Variants in RELL1 observed in about 807,000 individuals in gnomAD.
The protein encoded by RELL1 is RELT-like protein 1.
Under a neutral mutation model 23.0 loss-of-function variants are expected in RELL1, and 10 were observed. The ratio of observed to expected loss-of-function variants is 0.43; its 90% CI spans 0.27 to 0.74. The LOEUF (loss-of-function observed/expected upper bound fraction) is 0.74. Among genes scored for constraint, RELL1 ranks in the 30% least tolerant of loss-of-function variants. RELL1 has a pLI of 0.19. For missense variants in RELL1, 315 were observed against 364.4 expected (o/e 0.86, Z 1.10); for synonymous variants, 146 against 146.8 (o/e 0.99, Z 0.04).
At chr4:37,618,901 C>T (rs902162109) in intron 6 of RELL1, among the ~76,000 whole-genome samples, 3 of 138,104 alleles carry the variant, frequency 2.2e-5, no homozygotes, top group Admixed American at 7.3e-5. Flanking sequence ...TCTTTTGAGA[C>T]GGAGTTTCGC....
chr4:37,619,270 C>T (rs1719687115), intron 6 of RELL1, among the ~76,000 whole-genome samples: 1 of 151,758 alleles, frequency 6.6e-6, no homozygotes. Flanking sequence ...GCAACCTCCG[C>T]CTCCCAAGTT....
Position 37,681,205 on chromosome 4 carries a change from T to C in RELL1, c.88+4995A>G, listed in dbSNP as rs377725268. Among the ~76,000 whole-genome samples the C allele has an allele frequency of 4.6e-5, 7 of 152,170 alleles. No homozygotes were observed. The East Asian group carries it at 9.6e-4, about 21-fold the overall frequency. Reference sequence around the variant, plus strand: ...TGGGCTTTTTAAAAATCCCTATCATTGCAAAGCTATCACCACCTCCAGAAT... The same window carrying C: ...TGGGCTTTTTAAAAATCCCTATCATCGCAAAGCTATCACCACCTCCAGAAT... On this transcript the variant is annotated intron_variant, in intron 1 of 6. Coordinates refer to ENST00000454158, the MANE Select transcript of RELL1 (RefSeq NM_001085400.2).
chr4:37,657,619 A>C lies in RELL1; in HGVS notation c.89-8119T>G, dbSNP rs185231199. On this transcript the variant is annotated intron_variant, in intron 1 of 6. Coordinates refer to ENST00000454158, the MANE Select transcript of RELL1 (RefSeq NM_001085400.2). ...TAGTGGGTGGAAGAAAGTTGCGGGAACAGGTGCTTCTGTTGCCTTTTAACA... is the reference window on the plus strand; with the variant it reads ...TAGTGGGTGGAAGAAAGTTGCGGGACCAGGTGCTTCTGTTGCCTTTTAACA... Among the ~76,000 whole-genome samples, 4 of 152,266 alleles carry C rather than the reference A, an allele frequency of 2.6e-5. No homozygotes were observed. In the East Asian group the frequency reaches 7.7e-4, roughly 29 times the overall value.
chr4:37,652,385 G>T (rs776558744), intron 1 of RELL1, among the ~76,000 whole-genome samples: 1 of 152,118 alleles, frequency 6.6e-6, no homozygotes, highest in African/African-American at 2.4e-5. Flanking sequence ...GCAATATACC[G>T]TCTAAGTTAG....
intron 5 of RELL1, among the ~76,000 whole-genome samples, chr4:37,633,847 G>A (rs114893437): frequency 2.0e-5 from 3 of 152,168 alleles, no homozygotes; most frequent in South Asian, 2.1e-4. Flanking sequence ...ATGGAGCAAC[G>A]TAACAGTTTG....
At chr4:37,586,720 G>A (rs1353617278), downstream of RELL1, among the ~76,000 whole-genome samples, 1 of 152,184 alleles carries the variant, frequency 6.6e-6, no homozygotes, top group Non-Finnish European at 1.5e-5. Flanking sequence ...GACCAGCCTG[G>A]CCAGCATGGT....
In RELL1 at chr4:37,601,119, T is replaced by G. The variant is rs932433071; in HGVS notation, c.*4-9902A>C. On this transcript the variant is annotated intron_variant, in intron 6 of 6. Coordinates refer to the RELL1 transcript ENST00000314117. The stretch of plus-strand genomic sequence containing the variant: ...AAGGCAAGAAAGTCATTCTTTCCAA[T>G]AAGGCAGTTGACCTGCCATCAGGAG... 2.0e-5 allele frequency among the ~76,000 whole-genome samples: 3 copies of G among 152,300 alleles called. No homozygotes were observed. The East Asian group carries it at 5.8e-4, about 29-fold the overall frequency.
At chr4:37,639,431 A>G (rs576892602) in intron 3 of RELL1, among the ~76,000 whole-genome samples, 1 of 151,778 alleles carries the variant, frequency 6.6e-6, no homozygotes, top group South Asian at 2.1e-4. Context: ...ATCACAACAT[A>G]TAAGTTATGT....
rs1010831024 is a variant in RELL1 at position 37,620,376 on chromosome 4, G to A, written c.*4-7034C>T. Reference sequence around the variant, plus strand: ...TATTTAGCAACAATGGGTTTCCCAAGTGACAGCAACTGAACACTTGTGATT... The same window carrying A: ...TATTTAGCAACAATGGGTTTCCCAAATGACAGCAACTGAACACTTGTGATT... On this transcript the variant is annotated intron_variant, in intron 6 of 6. Transcript: ENST00000454158. Among the ~76,000 whole-genome samples, 8 of 152,322 alleles carry A rather than the reference G, an allele frequency of 5.3e-5. No homozygotes were observed. In the East Asian group the frequency reaches 1.2e-3, roughly 22 times the overall value.
intron 6 of RELL1, among the ~76,000 whole-genome samples, chr4:37,630,716 A>AT (rs1411611220): frequency 1.3e-5 from 2 of 151,990 alleles, no homozygotes; most frequent in African/African-American, 4.8e-5. Flanking sequence ...CAAAATTAAA[A>AT]TTGCCAAATC....
chr4:37,642,868 G>T (rs1332350851), intron 3 of RELL1, among the ~76,000 whole-genome samples: 1 of 152,244 alleles, frequency 6.6e-6, no homozygotes, highest in African/African-American at 2.4e-5. Flanking sequence ...CCAGGTGGCT[G>T]AACAGGTGCA....
At chr4:37,653,124 G>A (rs777527192) in intron 1 of RELL1, among the ~76,000 whole-genome samples, 24 of 152,170 alleles carry the variant, frequency 1.6e-4, no homozygotes, top group African/African-American at 2.6e-4. Flanking sequence ...AAGAAATTGC[G>A]TTTCCTTTTG....
intron 1 of RELL1, among the ~76,000 whole-genome samples, chr4:37,669,281 G>A (rs1721699418): frequency 1.4e-5 from 2 of 147,216 alleles, no homozygotes; most frequent in Non-Finnish European, 3.0e-5. Context: ...GGGAGGTGAG[G>A]GGAGCCTCTG....
intron 6 of RELL1, among the ~76,000 whole-genome samples, chr4:37,619,594 GTCTC>G (rs1719700751): frequency 6.6e-6 from 1 of 151,996 alleles, no homozygotes; most frequent in Non-Finnish European, 1.5e-5. Context: ...TCTCTGCAGA[GTCTC>G]TCTCTGTCAC....
At chr4:37,673,186 C>CTTTTTTTTTTTTTTTTT (rs71189095) in intron 1 of RELL1, among the ~76,000 whole-genome samples, 1,114 of 93,172 alleles carry the variant, frequency 0.012, 99 homozygotes, top group East Asian at 0.04. Flanking sequence ...CTTTTTTTTT[C>CTTTTTTTTTTTTTTTTT]TTTTTTTTTT....
rs544631507 is a variant in RELL1, at chr4:37,600,195, A to AG, written c.*4-8979dup. 4.8e-3 allele frequency among the ~76,000 whole-genome samples: 715 copies of AG among 148,120 alleles called. 9 individuals are homozygous for AG. Among genetic ancestry groups the AG allele is most frequent in the African/African-American group, 0.017 (694 of 39,958 alleles). Reference sequence around the variant, plus strand: ...TGAGGCAGGAGAATTGCTTTAATCCAGGGGGCGGAGGTTGCAGTGAGCCAA... The same window carrying AG: ...TGAGGCAGGAGAATTGCTTTAATCCAGGGGGGCGGAGGTTGCAGTGAGCCAA... On this transcript the variant is annotated intron_variant, in intron 6 of 6. Transcript: ENST00000314117.
intron 1 of RELL1, among the ~76,000 whole-genome samples, chr4:37,667,562 T>C (rs1470670492): frequency 2.0e-5 from 3 of 149,802 alleles, no homozygotes; most frequent in Non-Finnish European, 4.4e-5. Flanking sequence ...ATCTCTATTA[T>C]AGATACTACA....
At chr4:37,627,948 A>T (rs1057428201) in intron 6 of RELL1, among the ~76,000 whole-genome samples, 2 of 152,212 alleles carry the variant, frequency 1.3e-5, no homozygotes, top group Non-Finnish European at 2.9e-5. Flanking sequence ...CTAGAACCAG[A>T]GAGTCTGGCC....
At chr4:37,625,739 T>C (rs1719915141) in intron 6 of RELL1, among the ~76,000 whole-genome samples, 1 of 152,128 alleles carries the variant, frequency 6.6e-6, no homozygotes, top group South Asian at 2.1e-4. Flanking sequence ...TCTTGAAAAA[T>C]GCTAAGAGAG....
Sources: gnomAD v4.1 joint callset for allele counts (sites outside exome capture counted in the v4.1 genomes callset) on GRCh38, gnomAD v4.1.1 for gene constraint, MANE v1.5 for transcripts, NCBI Gene and HGNC (gene_info 2026-07-23, HGNC 2026-07-21) for gene names.